The following DLG2 variants were observed in gnomAD, a reference collection of about 807,000 sequenced individuals.
DLG2 encodes disks large homolog 2.
In DLG2, 45 loss-of-function variants were observed where a neutral mutation model predicts 132.5. The ratio of observed to expected loss-of-function variants is 0.34; its 90% CI spans 0.27 to 0.44. DLG2 has a LOEUF of 0.44. DLG2 is among the 20% of genes least tolerant of loss of function. DLG2 has a pLI of 1.00. For missense variants in DLG2, 1,045 were observed against 1,196.9 expected (o/e 0.87, Z 1.87); for synonymous variants, 424 against 419.6 (o/e 1.01, Z -0.13).
intron 11 of DLG2, among the ~76,000 whole-genome samples, chr11:84,030,916 T>C (rs1007110481): frequency 6.6e-6 from 1 of 152,076 alleles, no homozygotes; most frequent in Non-Finnish European, 1.5e-5. Flanking sequence ...TGAATCTCAA[T>C]AGAGGGGTGG....
At chr11:85,210,190 C>T (rs2082168105) in intron 4 of DLG2, among the ~76,000 whole-genome samples, 1 of 152,010 alleles carries the variant, frequency 6.6e-6, no homozygotes, top group African/African-American at 2.4e-5. Context: ...CAGTTTAATT[C>T]CCTTCAATAT....
chr11:84,317,104 C>A (rs1372704705), intron 7 of DLG2: 5 of 1,612,786 alleles, frequency 3.1e-6, no homozygotes, highest in Non-Finnish European at 4.2e-6. Context: ...TCCCATCGGA[C>A]CCCCGGCTGC....
intron 18 of DLG2, among the ~76,000 whole-genome samples, chr11:83,760,729 C>T (rs2153752075): frequency 6.6e-6 from 1 of 152,120 alleles, no homozygotes; most frequent in East Asian, 1.9e-4. Flanking sequence ...AAACTGTCTC[C>T]AAATAGATCA....
At chr11:85,612,166 C>T (rs1435525890) in intron 2 of DLG2, among the ~76,000 whole-genome samples, 3 of 152,160 alleles carry the variant, frequency 2.0e-5, no homozygotes, top group Admixed American at 6.5e-5. Flanking sequence ...TCTCTGTAAC[C>T]CTATATCACT....
In DLG2 at chr11:84,821,627, TA is replaced by T. The variant is rs770947930; in HGVS notation, c.358-286897del. 4.7e-4 allele frequency among the ~76,000 whole-genome samples: 33 copies of T among 70,942 alleles called. 1 individual carries two copies. Among genetic ancestry groups the T allele is most frequent in the Admixed American group, 9.4e-4 (7 of 7,426 alleles). 46.5% of individuals were successfully genotyped at this position (70,942 alleles called of 152,430 possible). On this transcript the variant is annotated intron_variant, in intron 6 of 27. Coordinates refer to ENST00000376104, the MANE Select transcript of DLG2 (RefSeq NM_001142699.3). ...TTGCTCACCTATGGTTCATACAATG[TA>T]AAAAAAAAAAAAACAACAACAACAA...
At chr11:85,349,462 G>A (rs565046810) in intron 3 of DLG2, among the ~76,000 whole-genome samples, 106 of 152,098 alleles carry the variant, frequency 7.0e-4, no homozygotes, top group Non-Finnish European at 1.1e-3. Context: ...TGCACAATGT[G>A]TAGGTTTGAT....
chr11:84,164,248 AT>A (rs1452265684), intron 8 of DLG2, among the ~76,000 whole-genome samples: 9 of 152,244 alleles, frequency 5.9e-5, no homozygotes, highest in Non-Finnish European at 1.2e-4. Flanking sequence ...CAGAGGCCAT[AT>A]GAAAAGTTGG....
intron 6 of DLG2, among the ~76,000 whole-genome samples, chr11:84,683,186 T>C (rs2099735052): frequency 6.6e-6 from 1 of 152,204 alleles, no homozygotes. Context: ...CCTTATGGTA[T>C]AGTGACTGAA....
chr11:84,420,161 C>T (rs187030319), intron 7 of DLG2, among the ~76,000 whole-genome samples: 1 of 152,090 alleles, frequency 6.6e-6, no homozygotes, highest in Non-Finnish European at 1.5e-5. Context: ...GTAAAGTATA[C>T]GGTTACTTTA....
intron 7 of DLG2, among the ~76,000 whole-genome samples, chr11:84,255,567 A>C (rs541497153): frequency 2.6e-5 from 4 of 152,078 alleles, no homozygotes; most frequent in Non-Finnish European, 5.9e-5. Context: ...CATGTGATCC[A>C]CACGCCTCGG....
intron 3 of DLG2, among the ~76,000 whole-genome samples, chr11:85,330,715 C>T (rs1437046889): frequency 1.2e-3 from 114 of 92,924 alleles, no homozygotes; most frequent in African/African-American, 4.9e-3. Flanking sequence ...CAGCATGGCA[C>T]ATGTATACAT....
chr11:83,467,771 G>GTATA (rs1192401405), intron 25 of DLG2, among the ~76,000 whole-genome samples: 1,733 of 84,576 alleles, frequency 0.02, 45 homozygotes, highest in East Asian at 0.036. Flanking sequence ...AAAACTATAT[G>GTATA]TATATATATA....
At chr11:83,770,255 G>GTGTTTTTTTTTTTTTT (rs2094332782) in intron 18 of DLG2, among the ~76,000 whole-genome samples, 1 of 109,918 alleles carries the variant, frequency 9.1e-6, no homozygotes, top group Non-Finnish European at 1.9e-5. Context: ...GGTGTCTGGT[G>GTGTTTTTTTTTTTTTT]TTTTTTTTTG....
At chr11:84,736,375 C>T (rs1473753881) in intron 6 of DLG2, among the ~76,000 whole-genome samples, 1 of 151,422 alleles carries the variant, frequency 6.6e-6, no homozygotes, top group Non-Finnish European at 1.5e-5. Context: ...TTTAAATTTT[C>T]ATACAATTTT....
chr11:83,718,184 A>G (rs922621225), intron 18 of DLG2, among the ~76,000 whole-genome samples: 16 of 152,160 alleles, frequency 1.1e-4, no homozygotes, highest in Non-Finnish European at 1.6e-4. Context: ...GCTGTGGGCA[A>G]TTGGGAGTAG....
At chr11:84,855,288 T>C (rs1051320937) in intron 6 of DLG2, among the ~76,000 whole-genome samples, 7 of 152,206 alleles carry the variant, frequency 4.6e-5, no homozygotes, top group African/African-American at 1.2e-4. Context: ...CCCATTTTGC[T>C]TCATGAGCAA....
chr11:84,613,006 G>A (rs534565720), intron 6 of DLG2, among the ~76,000 whole-genome samples: 4 of 152,216 alleles, frequency 2.6e-5, no homozygotes, highest in African/African-American at 9.6e-5. Context: ...GGAACCTCAC[G>A]AATTTCTAAA....
At chr11:84,397,709 T>C (rs543114576) in intron 7 of DLG2, among the ~76,000 whole-genome samples, 73 of 152,230 alleles carry the variant, frequency 4.8e-4, no homozygotes, top group Non-Finnish European at 8.5e-4. Context: ...CTGTCACTGA[T>C]GTTTGTTGTG....
intron 6 of DLG2, among the ~76,000 whole-genome samples, chr11:84,972,324 G>C (rs948198063): frequency 6.6e-6 from 1 of 152,078 alleles, no homozygotes; most frequent in East Asian, 1.9e-4. Flanking sequence ...AAAAAAAACT[G>C]AGTCTTTTAA....
Sources: allele counts gnomAD v4.1 joint callset (sites outside exome capture counted in the v4.1 genomes callset), GRCh38; gene constraint gnomAD v4.1.1; transcripts MANE v1.5; gene names NCBI Gene and HGNC (gene_info 2026-07-23, HGNC 2026-07-21).